The following ZFPM2 variants were observed in gnomAD, a reference collection of about 807,000 sequenced individuals.
The protein encoded by ZFPM2 is zinc finger protein ZFPM2.
ZFPM2 carries 20 observed loss-of-function variants against 98.6 expected under a neutral mutation model. That is an observed-to-expected ratio of 0.20 (90% CI 0.14 to 0.29). The LOEUF is 0.29. Among genes scored for constraint, ZFPM2 ranks in the 10% least tolerant of loss-of-function variants. ZFPM2 has a pLI of 1.00. For missense variants in ZFPM2, 1,310 were observed against 1,388.6 expected (o/e 0.94, Z 0.90); for synonymous variants, 518 against 502.7 (o/e 1.03, Z -0.41).
intron 1 of ZFPM2, among the ~76,000 whole-genome samples, chr8:105,339,033 T>G (rs1424279524): frequency 6.6e-6 from 1 of 151,794 alleles, no homozygotes; most frequent in African/African-American, 2.4e-5. Flanking sequence ...GTGTGAGGGA[T>G]TTGTAAATGA....
chr8:105,385,008 C>T (rs530253005), intron 1 of ZFPM2, among the ~76,000 whole-genome samples: 39 of 152,208 alleles, frequency 2.6e-4, no homozygotes, highest in African/African-American at 7.9e-4. Context: ...TCTGTTTTAT[C>T]GATGATTAAA....
intron 3 of ZFPM2, among the ~76,000 whole-genome samples, chr8:105,529,888 A>G: frequency 6.6e-6 from 1 of 151,692 alleles, no homozygotes; most frequent in East Asian, 1.9e-4. Flanking sequence ...GTGCCACCAC[A>G]CCTGGCTAAT....
At chr8:105,444,961 A>G (rs1812337089) in intron 3 of ZFPM2, among the ~76,000 whole-genome samples, 1 of 152,194 alleles carries the variant, frequency 6.6e-6, no homozygotes, top group South Asian at 2.1e-4. Flanking sequence ...GTATGTAAAT[A>G]TATAACAGTC....
chr8:105,377,688 G>A (rs1270139851), intron 1 of ZFPM2, among the ~76,000 whole-genome samples: 5 of 150,528 alleles, frequency 3.3e-5, no homozygotes, highest in Non-Finnish European at 5.9e-5. Flanking sequence ...GCTGAGGCAT[G>A]AGGATCGCTT....
rs1191407588 is a variant in ZFPM2 at position 105,526,708 on chromosome 8, C to A, written c.302-34655C>A. On this transcript the variant is annotated intron_variant, in intron 3 of 7. Coordinates refer to ENST00000407775, the MANE Select transcript of ZFPM2 (RefSeq NM_012082.4). ...AAACGAAATCTGTATTTGGGGGTAT[C>A]AAATATTTATAAGAGCAAATATACT... Among the ~76,000 whole-genome samples, 5 of 152,174 alleles carry A rather than the reference C, an allele frequency of 3.3e-5. No individual in the cohort carries two copies. The East Asian group carries it at 9.7e-4, about 29-fold the overall frequency.
At chr8:105,414,672 C>T (rs1811644572) in intron 1 of ZFPM2, among the ~76,000 whole-genome samples, 1 of 151,222 alleles carries the variant, frequency 6.6e-6, no homozygotes, top group Admixed American at 6.6e-5. Flanking sequence ...GGATGCATTT[C>T]AGGGTTTTCT....
At chr8:105,638,564 A>G (rs1313862532) in intron 5 of ZFPM2, among the ~76,000 whole-genome samples, 1 of 152,130 alleles carries the variant, frequency 6.6e-6, no homozygotes. Context: ...ATCTGAGAAC[A>G]TATCAGTATC....
intron 1 of ZFPM2, among the ~76,000 whole-genome samples, chr8:105,415,636 C>G (rs1811666534): frequency 6.6e-6 from 1 of 152,034 alleles, no homozygotes; most frequent in Non-Finnish European, 1.5e-5. Context: ...TCAAGTGTCT[C>G]TTACCCTTTT....
At chr8:105,484,427 T>G (rs1813188078) in intron 3 of ZFPM2, among the ~76,000 whole-genome samples, 1 of 152,150 alleles carries the variant, frequency 6.6e-6, no homozygotes, top group Non-Finnish European at 1.5e-5. Flanking sequence ...CTAATTGGAC[T>G]TCAGTTTTAA....
chr8:105,783,608 C>T (rs948550536), intron 5 of ZFPM2, among the ~76,000 whole-genome samples: 2 of 152,114 alleles, frequency 1.3e-5, no homozygotes, highest in African/African-American at 4.8e-5. Flanking sequence ...TTTGGGATAC[C>T]TTAAGTACTT....
chr8:105,722,138 G>A (rs947551723), intron 5 of ZFPM2, among the ~76,000 whole-genome samples: 2 of 151,418 alleles, frequency 1.3e-5, no homozygotes, highest in African/African-American at 4.8e-5. Flanking sequence ...GGACAGCTTT[G>A]GTCCAGATGT....
At chr8:105,649,407 C>G (rs1817122292) in intron 5 of ZFPM2, among the ~76,000 whole-genome samples, 1 of 152,104 alleles carries the variant, frequency 6.6e-6, no homozygotes, top group Non-Finnish European at 1.5e-5. Context: ...CCAGAACTTC[C>G]AACACTATGT....
At chr8:105,542,453 A>G (rs1196140245) in intron 3 of ZFPM2, among the ~76,000 whole-genome samples, 4 of 152,302 alleles carry the variant, frequency 2.6e-5, no homozygotes, top group Admixed American at 2.0e-4. Flanking sequence ...ATATTCTTAA[A>G]TATTTACAGT....
At chr8:105,557,014 A>G (rs941792967) in intron 3 of ZFPM2, among the ~76,000 whole-genome samples, 58 of 151,972 alleles carry the variant, frequency 3.8e-4, no homozygotes, top group African/African-American at 1.4e-3. Flanking sequence ...CTGAGCCACC[A>G]TGTCTGGCCT....
intron 2 of ZFPM2, among the ~76,000 whole-genome samples, chr8:105,437,297 A>G (rs1812139990): frequency 6.6e-6 from 1 of 152,198 alleles, no homozygotes; most frequent in Non-Finnish European, 1.5e-5. Context: ...AATTATTTGT[A>G]ATGAATGAAA....
chr8:105,745,432 A>G (rs1162107256), intron 5 of ZFPM2, among the ~76,000 whole-genome samples: 1 of 152,118 alleles, frequency 6.6e-6, no homozygotes, highest in African/African-American at 2.4e-5. Context: ...CATATAAAAT[A>G]TTTTTGAAAA....
At chr8:105,451,261 G>C (rs7833297) in intron 3 of ZFPM2, among the ~76,000 whole-genome samples, 49,708 of 151,862 alleles carry the variant, frequency 0.33, 9,857 homozygotes, top group African/African-American at 0.56. Flanking sequence ...CTTTTCATGA[G>C]ACACAGTACT....
rs762467813 is a variant in ZFPM2, at chr8:105,801,826, C to G, written c.1744C>G (p.Pro582Ala). ...SSRWQQMAKS[P>A]EFPSVSEKMP... Reference sequence around the variant, plus strand: ...CCGATGGCAGCAGATGGCTAAGTCCCCAGAGTTCCCTAGTGTGTCAGAAAA... The same window carrying G: ...CCGATGGCAGCAGATGGCTAAGTCCGCAGAGTTCCCTAGTGTGTCAGAAAA... Residue 582 changes from proline (P) to alanine (A), a missense_variant, in exon 8 of 8, where the codon CCA (proline) becomes GCA (alanine). Transcript: ENST00000407775. 3.1e-6 allele frequency: 5 copies of G among 1,613,840 alleles called. No individual in the cohort carries two copies. Among genetic ancestry groups the G allele is most frequent in the Admixed American group, 3.3e-5 (2 of 59,998 alleles).
chr8:105,795,903 C>CA (rs1813791915), intron 6 of ZFPM2: 2 of 326,552 alleles, frequency 6.1e-6, no homozygotes, highest in Non-Finnish European at 6.1e-6. Context: ...AGTAGGTAAG[C>CA]AAAAAATTGC....
Sources: allele counts gnomAD v4.1 joint callset (sites outside exome capture counted in the v4.1 genomes callset), GRCh38; gene constraint gnomAD v4.1.1; transcripts MANE v1.5; gene names NCBI Gene and HGNC (gene_info 2026-07-23, HGNC 2026-07-21).